Variants in QPRT observed in about 807,000 individuals in gnomAD.
QPRT encodes the protein quinolinate phosphoribosyltransferase.
Under a neutral mutation model 19.8 loss-of-function variants are expected in QPRT, and 17 were observed. That is an observed-to-expected ratio of 0.86 (90% CI 0.59 to 1.29). The LOEUF is 1.29. Ranked by LOEUF, QPRT falls within the 50% of genes most tolerant of loss-of-function variation. The pLI is 0.00. For synonymous variants in QPRT, 178 were observed against 191.0 expected (o/e 0.93, Z 0.56); for missense variants, 336 against 405.1 (o/e 0.83, Z 1.46).
chr16:29,688,558 C>T (rs1217392334), intron 1 of QPRT, among the ~76,000 whole-genome samples: 1 of 152,058 alleles, frequency 6.6e-6, no homozygotes. Flanking sequence ...CTCACTCTGT[C>T]GCCCAGGCTG....
At chr16:29,690,481 T>C (rs1967294233) in intron 1 of QPRT, among the ~76,000 whole-genome samples, 1 of 152,090 alleles carries the variant, frequency 6.6e-6, no homozygotes, top group Non-Finnish European at 1.5e-5. Context: ...CCACCAACAG[T>C]GTATAAGTGA....
rs1438941377 is a variant in QPRT, at chr16:29,695,114, G to A, written c.464G>A (p.Gly155Asp). Residue 155 changes from glycine to aspartate, a missense_variant, in exon 2 of 4, where the codon GGC becomes GAC. Coordinates refer to ENST00000395384, the MANE Select transcript of QPRT (RefSeq NM_014298.6). ...RLVEKYGLLV[G>D]GAASHRYDLG... is the part of the protein sequence containing the mutation. ...GTGGAGAAGTATGGGCTCCTGGTGG[G>A]CGGGGCCGCCTCGCACCGCTACGAC... is the stretch of plus-strand genomic sequence containing the variant. The A allele has an allele frequency of 1.3e-6, 2 of 1,597,884 alleles. No individual in the cohort carries two copies. Among genetic ancestry groups the A allele is most frequent in the African/African-American group, 1.3e-5 (1 of 74,852 alleles).
chr16:29,679,148 G>T (rs758631110), upstream of QPRT: 1 of 1,613,714 alleles, frequency 6.2e-7, no homozygotes, highest in East Asian at 2.2e-5. Flanking sequence ...GCCTCTGGGA[G>T]CCTTGGTCCT....
chr16:29,682,175 G>C (rs1047578486), intron 1 of QPRT, among the ~76,000 whole-genome samples: 1 of 151,654 alleles, frequency 6.6e-6, no homozygotes, highest in African/African-American at 2.4e-5. Flanking sequence ...GACTGCAGGC[G>C]TGTGCCACCA....
At chr16:29,694,630 G>C in intron 1 of QPRT, 34 bp from the exon 2 acceptor site, 1 of 1,510,150 alleles carries the variant, frequency 6.6e-7, no homozygotes, top group South Asian at 1.3e-5. Context: ...AGGAGAGGCA[G>C]CCAAACTCAA....
In QPRT at chr16:29,698,320, G is replaced by A. The variant is rs1967614736; in HGVS notation, c.*909G>A. On this transcript the variant is annotated 3_prime_UTR_variant, in exon 4 of 4. Coordinates refer to ENST00000395384, the MANE Select transcript of QPRT (RefSeq NM_014298.6). The stretch of plus-strand genomic sequence containing the variant: ...GCCTAGTTTACAAGACAGGAGGAAA[G>A]AGAGAAAGCAAAAAGTTAGAAAACA... The A allele has an allele frequency of 6.6e-6, 1 of 152,274 alleles. No individual in the cohort carries two copies. Among genetic ancestry groups the A allele is most frequent in the Admixed American group, 6.6e-5 (1 of 15,256 alleles). The allele number at this position is 152,274 out of a possible 1,614,324, so 9.4% of individuals were successfully genotyped here.
rs1045730045 is a variant in QPRT, at chr16:29,679,296, TG to T, written c.13+87del. The T allele has an allele frequency of 1.4e-4, 147 of 1,042,610 alleles. 1 individual carries two copies. The highest frequency in any genetic ancestry group is 2.0e-4 in the Non-Finnish European group (135 of 683,944). 64.6% of individuals were successfully genotyped at this position (1,042,610 alleles called of 1,614,324 possible). A position where few individuals can be genotyped will look rare whatever the true frequency, so the allele number is the denominator to read the frequency against. ...CCCACCCTGGCTTGTCTCAGCCCCT[TG>T]TTGCCTCCTCTGGAGTCATCTCTCC... On this transcript the variant is annotated intron_variant, in intron 1 of 3. Coordinates refer to ENST00000395384, the MANE Select transcript of QPRT (RefSeq NM_014298.6).
chr16:29,692,853 G>C (rs1210730159), intron 1 of QPRT, among the ~76,000 whole-genome samples: 1 of 152,118 alleles, frequency 6.6e-6, no homozygotes, highest in African/African-American at 2.4e-5. Context: ...ACGAGGTCAG[G>C]AGTTCCAGAC....
intron 1 of QPRT, among the ~76,000 whole-genome samples, chr16:29,681,725 C>CTT (rs78056788): frequency 3.4e-5 from 3 of 87,084 alleles, no homozygotes; most frequent in Non-Finnish European, 4.8e-5. Context: ...GATCCAGATT[C>CTT]TTTTTTTTTT....
intron 1 of QPRT, among the ~76,000 whole-genome samples, chr16:29,686,534 T>C (rs1967166473): frequency 6.6e-6 from 1 of 152,262 alleles, no homozygotes. Flanking sequence ...TCTTGCTCTG[T>C]CGCCCAGGCT....
At chr16:29,695,287 G>C (rs1052490405) in intron 2 of QPRT, 88 bp downstream of exon 2, 55 of 1,382,694 alleles carry the variant, frequency 4.0e-5, no homozygotes, top group Admixed American at 5.7e-5. Context: ...AGCCATGACC[G>C]GGTGAACAGC....
intron 1 of QPRT, among the ~76,000 whole-genome samples, chr16:29,686,641 G>T (rs1007217471): frequency 1.3e-5 from 2 of 152,034 alleles, no homozygotes; most frequent in Non-Finnish European, 2.9e-5. Context: ...GATTACAGGC[G>T]CTCGGCTTTT....
At chr16:29,686,057 A>C (rs1236516781) in intron 1 of QPRT, among the ~76,000 whole-genome samples, 1 of 151,866 alleles carries the variant, frequency 6.6e-6, no homozygotes, top group Admixed American at 6.6e-5. Context: ...ACGGGGTTTC[A>C]CCATGTTGGT....
Position 29,695,055 on chromosome 16 carries a change from A to G in QPRT, c.405A>G (p.Ala135=). ...ARGAGWTGHV[A]GTRKTTPGFR... is the part of the protein sequence containing the mutation. ...GGGCCGGCTGGACTGGGCACGTGGC[A>G]GGCACGAGGAAGACCACGCCAGGCT... Residue 135 remains alanine (A), a synonymous_variant, in exon 2 of 4, where the codon GCA becomes GCG. Coordinates refer to ENST00000395384, the MANE Select transcript of QPRT (RefSeq NM_014298.6). The G allele has an allele frequency of 6.2e-7, 1 of 1,605,740 alleles. No homozygotes were observed. The highest frequency in any genetic ancestry group is 8.5e-7 in the Non-Finnish European group (1 of 1,179,138).
intron 1 of QPRT, among the ~76,000 whole-genome samples, chr16:29,691,148 T>A (rs1967315210): frequency 6.6e-6 from 1 of 151,332 alleles, no homozygotes; most frequent in Non-Finnish European, 1.5e-5. Flanking sequence ...GAGGATCACC[T>A]GAGGTCAGGA....
intron 2 of QPRT, among the ~76,000 whole-genome samples, chr16:29,695,586 T>C (rs955287574): frequency 1.4e-5 from 2 of 145,852 alleles, no homozygotes; most frequent in Admixed American, 7.2e-5. Context: ...GCCTCCTGGG[T>C]TCAAGCAATT....
At position 29,694,737 on chromosome 16, in the gene QPRT, G is replaced by C. The variant is rs1248706756; in HGVS notation, c.87G>C (p.Gly29=). 4 of 1,605,532 alleles carry C rather than the reference G, an allele frequency of 2.5e-6. No individual in the cohort carries two copies. The highest frequency in any genetic ancestry group is 2.6e-6 in the Non-Finnish European group (3 of 1,175,318). Residue 29 remains glycine (G), a synonymous_variant, in exon 2 of 4, where the codon GGG becomes GGC. Transcript: ENST00000395384. ...GCTGGCTCCGAGAGGACTGCCCAGG[G>C]CTCAACTACGCAGCCTTGGTCAGCG... is the stretch of plus-strand genomic sequence containing the variant. ...VDSWLREDCP[G]LNYAALVSGA...
rs1555492821 is a variant in QPRT at position 29,694,655 on chromosome 16, T to TTC, written c.14-9_14-8insTC. 1 of 1,524,898 alleles carries TTC rather than the reference T, an allele frequency of 6.6e-7. No individual in the cohort carries two copies. The allele number at this position is 1,524,898 out of a possible 1,614,324, so 94.5% of individuals were successfully genotyped here. A position where few individuals can be genotyped will look rare whatever the true frequency, so the allele number is the denominator to read the frequency against. ...GCCAAACTCAACAGCTGTTCTCTCT[T>TTC]CCCCCCAGGCCTGGCGCTGCTGCTG... On this transcript the variant is annotated splice_polypyrimidine_tract_variant and intron_variant, in intron 1 of 3. Coordinates refer to ENST00000395384, the MANE Select transcript of QPRT (RefSeq NM_014298.6).
At chr16:29,684,318 G>T (rs1040133779) in intron 1 of QPRT, among the ~76,000 whole-genome samples, 2 of 151,690 alleles carry the variant, frequency 1.3e-5, no homozygotes. Flanking sequence ...TTTTTGAGAC[G>T]GAGTTTTGCT....
Sources: allele counts gnomAD v4.1 joint callset (sites outside exome capture counted in the v4.1 genomes callset), GRCh38; gene constraint gnomAD v4.1.1; transcripts MANE v1.5; gene names NCBI Gene and HGNC (gene_info 2026-07-23, HGNC 2026-07-21).